PRUNE2: variants seen among roughly 807,000 people sequenced by gnomAD.
The protein encoded by PRUNE2 is prune homolog 2 with BCH domain.
In PRUNE2, 164 loss-of-function variants were observed where a neutral mutation model predicts 252.0. The observed-to-expected ratio is 0.65, with a 90% CI of 0.57 to 0.74. The LOEUF (loss-of-function observed/expected upper bound fraction) is 0.74. Ranked by LOEUF, PRUNE2 falls within the 30% of genes least tolerant of loss-of-function variation. The pLI, the probability that PRUNE2 is intolerant of heterozygous loss-of-function variation, is 0.00. For missense variants in PRUNE2, 3,495 were observed against 3,711.0 expected, an observed-to-expected ratio of 0.94 and a Z score of 1.51; for synonymous variants, 1,292 against 1,350.2, an observed-to-expected ratio of 0.96 and a Z score of 0.94.
intron 9 of PRUNE2, among the ~76,000 whole-genome samples, chr9:76,694,252 G>A (rs1030505399): frequency 1.3e-5 from 2 of 151,546 alleles, no homozygotes; most frequent in African/African-American, 2.4e-5. Flanking sequence ...GTGAGATCTC[G>A]GTTCACTGCA....
intron 1 of PRUNE2, among the ~76,000 whole-genome samples, chr9:76,901,901 T>C (rs1401008397): frequency 2.0e-5 from 3 of 152,206 alleles, no homozygotes; most frequent in Non-Finnish European, 2.9e-5. Flanking sequence ...GGGACACTGA[T>C]GTGCCCTGTA....
At chr9:76,869,960 CTAAA>C (rs1223524395) in intron 1 of PRUNE2, among the ~76,000 whole-genome samples, 25 of 152,242 alleles carry the variant, frequency 1.6e-4, no homozygotes, top group African/African-American at 5.8e-4. Context: ...AGATCATTAA[CTAAA>C]TAGATTATGG....
At chr9:76,624,209 C>T (rs1043165204) in intron 17 of PRUNE2, among the ~76,000 whole-genome samples, 1 of 151,920 alleles carries the variant, frequency 6.6e-6, no homozygotes, top group African/African-American at 2.4e-5. Flanking sequence ...CCTAGAATTG[C>T]GTGTACATTA....
At position 76,853,710 on chromosome 9, in the gene PRUNE2, T is replaced by C. The variant is rs1326966305; in HGVS notation, c.141+394A>G. On this transcript the variant is annotated intron_variant, in intron 2 of 18. Coordinates refer to ENST00000376718, the MANE Select transcript of PRUNE2 (RefSeq NM_015225.3). ...TATGTACTGTTCACACAAGTTATTC[T>C]GCACGTATTTTTCTGCTCCCAAGGG... 2.6e-5 allele frequency among the ~76,000 whole-genome samples: 4 copies of C among 152,260 alleles called. No homozygotes were observed. The East Asian group carries it at 7.7e-4, about 29-fold the overall frequency.
chr9:76,682,448 G>A (rs559061024), intron 9 of PRUNE2, among the ~76,000 whole-genome samples: 16 of 147,130 alleles, frequency 1.1e-4, no homozygotes, highest in African/African-American at 2.2e-4. Flanking sequence ...AACAACCTTC[G>A]CCTCCTGGGT....
At chr9:76,728,533 CAT>C (rs1345868205) in intron 6 of PRUNE2, among the ~76,000 whole-genome samples, 1 of 152,210 alleles carries the variant, frequency 6.6e-6, no homozygotes, top group African/African-American at 2.4e-5. Flanking sequence ...ATTGTCTACA[CAT>C]AGTTTCTACA....
intron 13 of PRUNE2, 47 bp downstream of exon 13, chr9:76,638,139 A>G (rs369860546): frequency 3.2e-4 from 387 of 1,210,942 alleles, no homozygotes; most frequent in Non-Finnish European, 4.3e-4. Context: ...CTGCCATTAC[A>G]TGCCACAGAC....
At chr9:76,841,374 T>G (rs1413775362) in intron 4 of PRUNE2, among the ~76,000 whole-genome samples, 1 of 152,182 alleles carries the variant, frequency 6.6e-6, no homozygotes, top group Non-Finnish European at 1.5e-5. Context: ...GGGTTTCAAG[T>G]GCAAAACTGA....
At chr9:76,901,064 G>C (rs886492538) in intron 1 of PRUNE2, among the ~76,000 whole-genome samples, 3 of 152,134 alleles carry the variant, frequency 2.0e-5, no homozygotes, top group African/African-American at 7.2e-5. Context: ...GGTGCTGTCT[G>C]AATCACAGGG....
intron 3 of PRUNE2, among the ~76,000 whole-genome samples, chr9:76,847,710 C>G (rs143862647): frequency 2.2e-3 from 333 of 152,308 alleles, no homozygotes; most frequent in African/African-American, 7.8e-3. Flanking sequence ...ATCAATCCAA[C>G]TTTATTCTTT....
Position 76,703,625 on chromosome 9 carries a change from A to T in PRUNE2, c.7988T>A (p.Phe2663Tyr), listed in dbSNP as rs201839081. The T allele has an allele frequency of 2.3e-5, 37 of 1,612,622 alleles. No homozygotes were observed. In the African/African-American group the frequency reaches 4.8e-4, roughly 21 times the overall value. The change falls in exon 9 of 19, where the codon TTC (phenylalanine) becomes TAC (tyrosine). Residue 2663 changes from phenylalanine to tyrosine, a missense_variant. By Grantham distance (22) the Phe-to-Tyr change is conservative. Coordinates refer to ENST00000376718, the MANE Select transcript of PRUNE2 (RefSeq NM_015225.3). ...ACCCTCACCCAAGCCGAGTTCAGAG[A>T]ACGGCTCCACAGTCTTGCCAGACCA... ...PGWSGKTVEPFSELGLGEGPQ... is the reference protein window; with the variant it reads ...PGWSGKTVEPYSELGLGEGPQ...
chr9:76,745,897 A>C (rs1166925324), intron 6 of PRUNE2, among the ~76,000 whole-genome samples: 1 of 152,192 alleles, frequency 6.6e-6, no homozygotes, highest in African/African-American at 2.4e-5. Context: ...TTCAAGCTGC[A>C]CTAACCATAG....
intron 4 of PRUNE2, among the ~76,000 whole-genome samples, chr9:76,840,879 G>C (rs538181234): frequency 1.3e-5 from 2 of 152,192 alleles, no homozygotes; most frequent in Admixed American, 6.5e-5. Flanking sequence ...TACTTGAGAG[G>C]CTGACGCAGG....
intron 12 of PRUNE2, chr9:76,642,001 T>TAAAAAAAAAAAAAAAAAAAAAAAAAA: frequency 9.9e-7 from 1 of 1,010,460 alleles, no homozygotes; most frequent in Non-Finnish European, 1.4e-6. Flanking sequence ...ATAAGAGAAG[T>TAAAAAAAAAAAAAAAAAAAAAAAAAA]AAAAAAAAAA....
chr9:76,720,620 G>A (rs961998950), intron 6 of PRUNE2, among the ~76,000 whole-genome samples: 3 of 149,448 alleles, frequency 2.0e-5, no homozygotes, highest in African/African-American at 7.4e-5. Context: ...TTATTTTTTA[G>A]GTTATTCTCA....
intron 6 of PRUNE2, among the ~76,000 whole-genome samples, chr9:76,787,850 C>T (rs1274616450): frequency 3.9e-5 from 6 of 152,224 alleles, no homozygotes; most frequent in African/African-American, 1.4e-4. Context: ...GTGCCGAAGG[C>T]CTTAGAGCCC....
intron 4 of PRUNE2, among the ~76,000 whole-genome samples, chr9:76,837,019 C>G (rs2059022123): frequency 6.6e-6 from 1 of 151,998 alleles, no homozygotes; most frequent in Non-Finnish European, 1.5e-5. Context: ...GTGTATAAGA[C>G]TAAAAAGATT....
At chr9:76,739,399 T>A (rs1290840775) in intron 6 of PRUNE2, 3 of 152,046 alleles carry the variant, frequency 2.0e-5, no homozygotes, top group African/African-American at 7.2e-5. Context: ...ATGACACTAT[T>A]AATAGTCTTT....
chr9:76,871,431 G>C (rs1232079370), intron 1 of PRUNE2, among the ~76,000 whole-genome samples: 1 of 152,174 alleles, frequency 6.6e-6, no homozygotes, highest in Admixed American at 6.5e-5. Flanking sequence ...TTGGTATCCA[G>C]GGAGGGTCCT....
Sources: allele counts gnomAD v4.1 joint callset (sites outside exome capture counted in the v4.1 genomes callset), GRCh38; gene constraint gnomAD v4.1.1; transcripts MANE v1.5; gene names NCBI Gene and HGNC (gene_info 2026-07-23, HGNC 2026-07-21).